FRMD4A: variants seen among roughly 807,000 people sequenced by gnomAD.
The protein encoded by FRMD4A is FERM domain containing 4A, also known as FERM domain-containing protein 4A.
FRMD4A carries 29 observed loss-of-function variants against 129.1 expected under a neutral mutation model. That is an observed-to-expected ratio of 0.22 (90% confidence interval 0.17 to 0.31). FRMD4A has a LOEUF of 0.31. FRMD4A is among the 10% of genes least tolerant of loss of function. FRMD4A has a pLI of 1.00. For missense variants in FRMD4A, 1,272 were observed against 1,375.8 expected, an observed-to-expected ratio of 0.92 and a Z score of 1.19; for synonymous variants, 634 against 571.6, an observed-to-expected ratio of 1.11 and a Z score of -1.56.
At chr10:14,310,590 C>T (rs1483901744) in intron 2 of FRMD4A, among the ~76,000 whole-genome samples, 2 of 152,196 alleles carry the variant, frequency 1.3e-5, no homozygotes, top group African/African-American at 4.8e-5. Context: ...TTTGTCACCA[C>T]GTGTACAGTA....
In FRMD4A at chr10:13,772,222, A is replaced by T. The variant is rs970387068; in HGVS notation, c.385-9542T>A. 1.8e-4 allele frequency among the ~76,000 whole-genome samples: 26 copies of T among 147,072 alleles called. 1 individual carries two copies. Among genetic ancestry groups the T allele is most frequent in the Non-Finnish European group, 3.0e-4 (20 of 67,070 alleles). On this transcript the variant is annotated intron_variant, in intron 6 of 24. Coordinates refer to ENST00000357447, the MANE Select transcript of FRMD4A (RefSeq NM_018027.5). ...TAATAAATATTTATTTATTATTATT[A>T]TATAATAAATAAATAAAGAGTTCAT...
chr10:13,964,671 TTTG>T (rs1461897073), intron 2 of FRMD4A, among the ~76,000 whole-genome samples: 7 of 98,786 alleles, frequency 7.1e-5, no homozygotes, highest in African/African-American at 2.6e-4. Flanking sequence ...TGCCTCTTCT[TTTG>T]TTTTTTTTTT....
At chr10:14,304,287 G>T (rs1441458752) in intron 2 of FRMD4A, among the ~76,000 whole-genome samples, 1 of 152,116 alleles carries the variant, frequency 6.6e-6, no homozygotes, top group Non-Finnish European at 1.5e-5. Flanking sequence ...TTAGATCCTT[G>T]CCAATACCTG....
chr10:13,997,403 C>G (rs2095626455), intron 2 of FRMD4A, among the ~76,000 whole-genome samples: 1 of 152,124 alleles, frequency 6.6e-6, no homozygotes, highest in African/African-American at 2.4e-5. Context: ...GAGTTTCTCT[C>G]TTTTCCCATC....
intron 2 of FRMD4A, among the ~76,000 whole-genome samples, chr10:14,066,315 T>G (rs1367638415): frequency 5.9e-5 from 8 of 135,922 alleles, no homozygotes; most frequent in South Asian, 2.5e-4. Context: ...TGGTGGGGGG[T>G]GTGGGGGGTG....
At chr10:13,722,453 C>G (rs970109504) in intron 12 of FRMD4A, among the ~76,000 whole-genome samples, 1 of 147,964 alleles carries the variant, frequency 6.8e-6, no homozygotes, top group Non-Finnish European at 1.5e-5. Flanking sequence ...TCTATGTTGT[C>G]CAGGATGGTC....
rs1247365931 is a variant in FRMD4A, at chr10:13,660,385, A to G, written c.1829T>C (p.Met610Thr). 6.2e-7 allele frequency: 1 copy of G among 1,614,112 alleles called. No homozygotes were observed. Among genetic ancestry groups the G allele is most frequent in the Admixed American group, 1.7e-5 (1 of 60,024 alleles). Residue 610 changes from methionine to threonine, a missense_variant, in exon 20 of 25, where the codon ATG becomes ACG. Physicochemically the swap from Met to Thr is moderately conservative, Grantham distance 81. Transcript: ENST00000357447. ...TTCATCTAAAGAGGACTCACTCCACATTTTGGGCTTGATGGGTGACTTGTC... is the reference window on the plus strand; with the variant it reads ...TTCATCTAAAGAGGACTCACTCCACGTTTTGGGCTTGATGGGTGACTTGTC... ...DYDKSPIKPK[M>T]WSESSLDEPY...
At position 14,058,667 on chromosome 10, in the gene FRMD4A, G is replaced by T. The variant is rs538648719; in HGVS notation, c.46-199755C>A. On this transcript the variant is annotated intron_variant, in intron 2 of 24. Transcript: ENST00000357447. ...TTCTCTGCTTCTTACATGACCAGAG[G>T]GAGGTTGGCTGGTGGAAACACTGAA... 7.2e-5 allele frequency among the ~76,000 whole-genome samples: 11 copies of T among 152,288 alleles called. No homozygotes were observed. In the East Asian group the frequency reaches 2.1e-3, roughly 29 times the overall value.
chr10:14,119,259 G>A (rs1838366157), intron 2 of FRMD4A, among the ~76,000 whole-genome samples: 1 of 152,172 alleles, frequency 6.6e-6, no homozygotes, highest in Non-Finnish European at 1.5e-5. Context: ...CCTATCGGGA[G>A]CATCCTTAGG....
At chr10:13,988,425 T>G (rs998600743) in intron 2 of FRMD4A, among the ~76,000 whole-genome samples, 1 of 152,184 alleles carries the variant, frequency 6.6e-6, no homozygotes, top group African/African-American at 2.4e-5. Context: ...TTTCAATGTG[T>G]TTAGTCCCTT....
intron 3 of FRMD4A, among the ~76,000 whole-genome samples, chr10:13,852,712 TCACAGCTGGCGTGTGATTTATGCTTGCA>T (rs1393144755): frequency 5.0e-4 from 76 of 152,176 alleles, no homozygotes; most frequent in Middle Eastern, 3.4e-3. Context: ...TTATACTTGC[TCACAGCTGGCGTGTGATTTATGCTTGCA>T]CACAGCTGGC....
At chr10:13,832,216 A>G (rs1539504) in intron 3 of FRMD4A, among the ~76,000 whole-genome samples, 152,200 of 152,214 alleles carry the variant, frequency 1, 76,093 homozygotes, top group Middle Eastern at 1. Context: ...CCTCTCGGCC[A>G]CTCTTCCAAG....
intron 15 of FRMD4A, among the ~76,000 whole-genome samples, chr10:13,688,485 G>C (rs557406950): frequency 2.0e-5 from 3 of 152,124 alleles, no homozygotes; most frequent in African/African-American, 7.2e-5. Context: ...CATGGCACAT[G>C]TATACGTGTG....
At chr10:14,031,192 G>C (rs1833224425) in intron 2 of FRMD4A, among the ~76,000 whole-genome samples, 1 of 152,124 alleles carries the variant, frequency 6.6e-6, no homozygotes, top group African/African-American at 2.4e-5. Context: ...ACTTTCTAAG[G>C]CATTTGTTTG....
chr10:13,733,547 C>T (rs922455850), intron 12 of FRMD4A, among the ~76,000 whole-genome samples: 13 of 152,300 alleles, frequency 8.5e-5, no homozygotes, highest in East Asian at 5.8e-4. Flanking sequence ...CTCAGCTTCC[C>T]GAGTAGCTGA....
chr10:13,698,071 T>G (rs1300387880), intron 14 of FRMD4A, among the ~76,000 whole-genome samples: 1 of 124,380 alleles, frequency 8.0e-6, no homozygotes, highest in African/African-American at 2.9e-5. Flanking sequence ...TTGATGTATA[T>G]GCATGGAGAG....
At chr10:14,158,505 C>T (rs530575198) in intron 2 of FRMD4A, among the ~76,000 whole-genome samples, 260 of 152,014 alleles carry the variant, frequency 1.7e-3, no homozygotes, top group Non-Finnish European at 3.0e-3. Context: ...CCCAGCTACT[C>T]GAGAGCTGAG....
intron 2 of FRMD4A, among the ~76,000 whole-genome samples, chr10:13,977,048 G>C (rs77455974): frequency 0.022 from 3,364 of 152,230 alleles, 132 homozygotes; most frequent in African/African-American, 0.076. Flanking sequence ...TGTTCTCTTG[G>C]AAGAACAAAA....
chr10:13,996,969 C>T (rs759118379), intron 2 of FRMD4A, among the ~76,000 whole-genome samples: 2 of 148,840 alleles, frequency 1.3e-5, no homozygotes, highest in Non-Finnish European at 3.0e-5. Context: ...TACATCAAGC[C>T]ATTGAAAAAA....
Sources: gnomAD v4.1 joint callset for allele counts (sites outside exome capture counted in the v4.1 genomes callset) on GRCh38, gnomAD v4.1.1 for gene constraint, MANE v1.5 for transcripts, NCBI Gene and HGNC (gene_info 2026-07-23, HGNC 2026-07-21) for gene names.